The following SUCLG2 variants were observed in gnomAD, a reference collection of about 807,000 sequenced individuals.
SUCLG2 encodes the protein succinate--CoA ligase [GDP-forming] subunit beta, mitochondrial.
SUCLG2 carries 42 observed loss-of-function variants against 47.9 expected under a neutral mutation model. The observed-to-expected ratio is 0.88, with a 90% CI of 0.69 to 1.14. SUCLG2 has a LOEUF of 1.14. SUCLG2 is among the 50% of genes most tolerant of loss of function. The probability of loss-of-function intolerance (pLI) is 0.00; values close to 1 mark genes in which losing one functional copy is unlikely to be tolerated. For missense variants in SUCLG2, 571 were observed against 525.9 expected (o/e 1.09, Z -0.84); for synonymous variants, 195 against 197.3 (o/e 0.99, Z 0.10).
intron 10 of SUCLG2, among the ~76,000 whole-genome samples, chr3:67,395,187 G>A (rs1702494053): frequency 6.6e-6 from 1 of 152,028 alleles, no homozygotes; most frequent in South Asian, 2.1e-4. Context: ...AACTTGAAAT[G>A]TAAATGGACT....
At chr3:67,394,024 A>G (rs1356827502) in intron 10 of SUCLG2, among the ~76,000 whole-genome samples, 1 of 152,116 alleles carries the variant, frequency 6.6e-6, no homozygotes, top group African/African-American at 2.4e-5. Flanking sequence ...CCATCTGTAC[A>G]TCACCATCAT....
At chr3:67,598,724 G>A (rs543290386) in intron 2 of SUCLG2, among the ~76,000 whole-genome samples, 77 of 152,226 alleles carry the variant, frequency 5.1e-4, no homozygotes, top group African/African-American at 1.6e-3. Flanking sequence ...ACTATTTACC[G>A]TAACAGCAAA....
intron 9 of SUCLG2, among the ~76,000 whole-genome samples, chr3:67,428,886 A>G (rs954192418): frequency 6.6e-6 from 1 of 152,230 alleles, no homozygotes; most frequent in East Asian, 1.9e-4. Flanking sequence ...TGAAGCGAGA[A>G]GAGAAGTTTA....
intron 9 of SUCLG2, among the ~76,000 whole-genome samples, chr3:67,447,920 G>A (rs992623094): frequency 2.0e-5 from 3 of 152,112 alleles, no homozygotes; most frequent in Non-Finnish European, 2.9e-5. Context: ...GTAGAGACAG[G>A]GTTTTGCCAT....
At chr3:67,476,277 G>C (rs997520649) in intron 9 of SUCLG2, among the ~76,000 whole-genome samples, 1 of 152,002 alleles carries the variant, frequency 6.6e-6, no homozygotes, top group African/African-American at 2.4e-5. Flanking sequence ...ATGTACAGCT[G>C]CTCCCCATGG....
At chr3:67,429,193 C>A (rs988807333) in intron 9 of SUCLG2, among the ~76,000 whole-genome samples, 2 of 152,050 alleles carry the variant, frequency 1.3e-5, no homozygotes, top group Non-Finnish European at 2.9e-5. Flanking sequence ...ATTAAGGGCA[C>A]CCAGAGAGAA....
At chr3:67,429,280 T>G (rs750938948) in intron 9 of SUCLG2, among the ~76,000 whole-genome samples, 11 of 152,292 alleles carry the variant, frequency 7.2e-5, no homozygotes, top group South Asian at 4.1e-4. Flanking sequence ...AGCCAGAAGA[T>G]AGTGGGGGCC....
chr3:67,494,698 G>A (rs1031742265), intron 9 of SUCLG2, among the ~76,000 whole-genome samples: 3 of 152,086 alleles, frequency 2.0e-5, no homozygotes, highest in African/African-American at 7.2e-5. Flanking sequence ...TACTTCACAG[G>A]CCTGTTAAAA....
chr3:67,563,955 G>C, intron 2 of SUCLG2, among the ~76,000 whole-genome samples: 1 of 115,156 alleles, frequency 8.7e-6, no homozygotes, highest in Non-Finnish European at 1.7e-5. Context: ...GTGAGACTCT[G>C]TCTCAAAAAA....
At position 67,572,793 on chromosome 3, in the gene SUCLG2, A is replaced by G. The variant is rs188946724; in HGVS notation, c.226+36662T>C. On this transcript the variant is annotated intron_variant, in intron 2 of 10. Transcript: ENST00000307227. ...TCGCCTCTTACCGATTCTACTCAAC[A>G]TGGTAGTAGAGGTTGAGCCACTGCA... Among the ~76,000 whole-genome samples, 210 of 152,220 alleles carry G rather than the reference A, an allele frequency of 1.4e-3. 3 individuals carry two copies. The highest frequency in any genetic ancestry group is 4.9e-3 in the African/African-American group (204 of 41,522).
intron 10 of SUCLG2, among the ~76,000 whole-genome samples, chr3:67,384,336 C>T (rs1702216930): frequency 6.6e-6 from 1 of 152,200 alleles, no homozygotes; most frequent in African/African-American, 2.4e-5. Flanking sequence ...CTCTTTTCTA[C>T]ACTAGGGATC....
intron 1 of SUCLG2, among the ~76,000 whole-genome samples, chr3:67,644,470 G>T (rs934558293): frequency 1.3e-5 from 2 of 152,120 alleles, no homozygotes; most frequent in Non-Finnish European, 2.9e-5. Context: ...GGTTGGCAGG[G>T]ACTAGGGGAA....
intron 9 of SUCLG2, 119 bp downstream of exon 9, chr3:67,495,679 C>T (rs930040491): frequency 4.8e-6 from 5 of 1,046,624 alleles, no homozygotes; most frequent in South Asian, 1.7e-5. Flanking sequence ...ATAGAAGTTG[C>T]ATCTGGGGCT....
chr3:67,540,668 G>A (rs1423547873), intron 2 of SUCLG2, among the ~76,000 whole-genome samples: 3 of 152,218 alleles, frequency 2.0e-5, no homozygotes, highest in Admixed American at 2.0e-4. Flanking sequence ...ATAGAGCAGT[G>A]GATCTCCCAG....
intron 9 of SUCLG2, among the ~76,000 whole-genome samples, chr3:67,491,687 T>G (rs974885780): frequency 5.3e-5 from 8 of 152,202 alleles, no homozygotes; most frequent in Non-Finnish European, 1.0e-4. Flanking sequence ...GGCTGGAGGT[T>G]AGATGATATG....
chr3:67,441,796 A>C (rs1703770132), intron 9 of SUCLG2, among the ~76,000 whole-genome samples: 1 of 152,204 alleles, frequency 6.6e-6, no homozygotes, highest in Non-Finnish European at 1.5e-5. Context: ...ACCAAGAAAA[A>C]TAACTCAGAA....
At chr3:67,512,053 G>A (rs983273563) in intron 6 of SUCLG2, among the ~76,000 whole-genome samples, 2 of 150,910 alleles carry the variant, frequency 1.3e-5, no homozygotes, top group African/African-American at 5.0e-5. Context: ...TGGGGGTCTC[G>A]CTATGTTACC....
intron 1 of SUCLG2, among the ~76,000 whole-genome samples, chr3:67,620,584 CAAA>C (rs71109890): frequency 2.4e-4 from 15 of 63,498 alleles, no homozygotes; most frequent in South Asian, 7.9e-4. Context: ...GACTCCATCT[CAAA>C]AAAAAAAAAA....
At chr3:67,376,597 C>A (rs1437489074) in intron 10 of SUCLG2, 3 of 756,554 alleles carry the variant, frequency 4.0e-6, no homozygotes, top group South Asian at 6.0e-5. Context: ...CAAGACAGAG[C>A]CTATTTATAA....
Sources: gnomAD v4.1 joint callset for allele counts (sites outside exome capture counted in the v4.1 genomes callset) on GRCh38, gnomAD v4.1.1 for gene constraint, MANE v1.5 for transcripts, NCBI Gene and HGNC (gene_info 2026-07-23, HGNC 2026-07-21) for gene names.